DUOXA2: variants seen among roughly 807,000 people sequenced by gnomAD.
DUOXA2 encodes the protein dual oxidase maturation factor 2.
DUOXA2 carries 22 observed loss-of-function variants against 27.6 expected under a neutral mutation model. That is an observed-to-expected ratio of 0.80 (90% CI 0.57 to 1.14). The LOEUF (loss-of-function observed/expected upper bound fraction) is 1.14, where lower values mean the gene tolerates loss of function less well. Ranked by LOEUF, DUOXA2 falls within the 50% of genes most tolerant of loss-of-function variation. The pLI is 0.00. For synonymous variants in DUOXA2, 188 were observed against 184.4 expected, an observed-to-expected ratio of 1.02 and a Z score of -0.16; for missense variants, 481 against 419.9, an observed-to-expected ratio of 1.15 and a Z score of -1.27.
chr15:45,118,010 G>A lies in DUOXA2; in HGVS notation c.*101G>A. 6.2e-7 allele frequency: 1 copy of A among 1,604,856 alleles called. No homozygotes were observed. The highest frequency in any genetic ancestry group is 8.5e-7 in the Non-Finnish European group (1 of 1,173,430). On this transcript the variant is annotated 3_prime_UTR_variant, in exon 6 of 6. Coordinates refer to ENST00000323030, the MANE Select transcript of DUOXA2 (RefSeq NM_207581.4). The stretch of plus-strand genomic sequence containing the variant: ...AGGAGAGCTCCAGGAAGGGCACTGA[G>A]CGCTGCTGGCGCGAGGCCTCGGACA...
In DUOXA2 at chr15:45,118,348, C is replaced by T. The variant is rs1894828371; in HGVS notation, c.*439C>T. ...GCAGTGATGAGGCAGGTCACCCACT[C>T]CCCCGTCCTGGATGCCACTCAGCTA... On this transcript the variant is annotated 3_prime_UTR_variant, in exon 6 of 6. Coordinates refer to ENST00000323030, the MANE Select transcript of DUOXA2 (RefSeq NM_207581.4). 8.5e-7 allele frequency: 1 copy of T among 1,172,988 alleles called. No homozygotes were observed. The highest frequency in any genetic ancestry group is 1.1e-6 in the Non-Finnish European group (1 of 948,084). 72.7% of individuals were successfully genotyped at this position (1,172,988 alleles called of 1,614,324 possible).
chr15:45,117,635 G>A (rs1021289096), intron 5 of DUOXA2, 81 bp from the exon 6 acceptor site: 20 of 1,613,708 alleles, frequency 1.2e-5, no homozygotes, highest in East Asian at 2.2e-5. Flanking sequence ...AAGGTCGTTT[G>A]AGGCCAGAGT....
rs567411096 is a variant in DUOXA2 at position 45,114,423 on chromosome 15, C to T, written c.-183C>T. The stretch of plus-strand genomic sequence containing the variant: ...AACTCTGTCGGTACCAACCCCAGAG[C>T]GTTGAGAGCAGCCCACCTCCACGCT... On this transcript the variant is annotated 5_prime_UTR_variant, in exon 1 of 6. Coordinates refer to ENST00000323030, the MANE Select transcript of DUOXA2 (RefSeq NM_207581.4). 2 of 718,258 alleles carry T rather than the reference C, an allele frequency of 2.8e-6. No individual in the cohort carries two copies. The highest frequency in any genetic ancestry group is 4.6e-6 in the Non-Finnish European group (2 of 430,424). The allele number at this position is 718,258 out of a possible 1,614,324, so 44.5% of individuals were successfully genotyped here. A position where few individuals can be genotyped will look rare whatever the true frequency, so the allele number is the denominator to read the frequency against.
At position 45,117,966 on chromosome 15, in the gene DUOXA2, T is replaced by C. The variant is rs746432117; in HGVS notation, c.*57T>C. ...TGGGACATCGCAGGCCGGGAAGCAG[T>C]GCCCGCCAGGCCTGGGCCAGGAGAG... On this transcript the variant is annotated 3_prime_UTR_variant, in exon 6 of 6. Transcript: ENST00000323030. 1.2e-6 allele frequency: 2 copies of C among 1,612,764 alleles called. No homozygotes were observed. Among genetic ancestry groups the C allele is most frequent in the South Asian group, 1.1e-5 (1 of 91,054 alleles).
At chr15:45,114,825 A>T in intron 1 of DUOXA2, 73 bp downstream of exon 1, 1 of 1,606,602 alleles carries the variant, frequency 6.2e-7, no homozygotes, top group Non-Finnish European at 8.5e-7. Flanking sequence ...GGGACCCAGG[A>T]CAGGTAAGAC....
At chr15:45,117,591 CT>C (rs1343774720) in intron 5 of DUOXA2, 124 bp from the exon 6 acceptor site, 1 of 1,612,110 alleles carries the variant, frequency 6.2e-7, no homozygotes, top group Non-Finnish European at 8.5e-7. Flanking sequence ...GGCATCACGC[CT>C]GTAATCCCAG....
chr15:45,114,852 T>C (rs1437175203), intron 1 of DUOXA2, 100 bp downstream of exon 1: 1 of 1,562,456 alleles, frequency 6.4e-7, no homozygotes, highest in African/African-American at 1.4e-5. Flanking sequence ...AGAGCCTCCA[T>C]GAATAGTCGA....
intron 5 of DUOXA2, 137 bp from the exon 6 acceptor site, chr15:45,117,579 C>T (rs370129676): frequency 3.1e-5 from 49 of 1,605,094 alleles, no homozygotes; most frequent in Non-Finnish European, 4.3e-6. Context: ...GAAGAAGGCC[C>T]GGGCATCACG....
rs370420206 is a variant in DUOXA2, at chr15:45,117,851, A to T, written c.905A>T (p.Asp302Val). The T allele has an allele frequency of 9.9e-6, 16 of 1,613,650 alleles. No homozygotes were observed. The highest frequency in any genetic ancestry group is 1.4e-5 in the Non-Finnish European group (16 of 1,180,016). ...GGGGGCTCACCTCTTATCCTCGGCG[A>T]CCCACTGCACAAGCAGGCCGCTCTC... The part of the protein sequence containing the change: ...ERGGSPLILG[D>V]PLHKQAALPD... Residue 302 changes from aspartate (D) to valine (V), a missense_variant, in exon 6 of 6, where the codon GAC becomes GTC. Physicochemically the swap from Asp to Val is radical, Grantham distance 152. Transcript: ENST00000323030.
chr15:45,115,464 T>C, intron 1 of DUOXA2: 1 of 538,150 alleles, frequency 1.9e-6, no homozygotes, highest in Non-Finnish European at 3.6e-6. Context: ...CTGGACTCAC[T>C]GAGCCTCACC....
Position 45,115,830 on chromosome 15 carries a change from G to A in DUOXA2, c.179G>A (p.Ser60Asn). The A allele has an allele frequency of 6.2e-7, 1 of 1,614,124 alleles. No homozygotes were observed. Among genetic ancestry groups the A allele is most frequent in the Non-Finnish European group, 8.5e-7 (1 of 1,180,028 alleles). Reference sequence around the variant, plus strand: ...TTTTGGTTGGTGAGAGTTCTTCTCAGTCTGTTCATAGGCGCAGAAATTGTG... The same window carrying A: ...TTTTGGTTGGTGAGAGTTCTTCTCAATCTGTTCATAGGCGCAGAAATTGTG... The part of the protein sequence containing the change: ...RWFWLVRVLL[S>N]LFIGAEIVAV... The change falls in exon 2 of 6, where the codon AGT becomes AAT. Residue 60 changes from serine to asparagine, a missense_variant. By Grantham distance (46) the Ser-to-Asn change is conservative (BLOSUM62 1). Transcript: ENST00000323030.
chr15:45,117,181 C>G lies in DUOXA2; in HGVS notation c.645C>G (p.Ala215=). The part of the protein sequence containing the change: ...YGGLALLTTG[A]FALFGVFALA... ...GCCTGGCACTGCTGACCACCGGAGC[C>G]TTCGCGCTCTTCGGGGTCTTCGCCT... The change falls in exon 5 of 6, where the codon GCC becomes GCG. Residue 215 remains alanine, a synonymous_variant. Transcript: ENST00000323030. The G allele has an allele frequency of 6.2e-7, 1 of 1,606,352 alleles. No individual in the cohort carries two copies. The highest frequency in any genetic ancestry group is 8.5e-7 in the Non-Finnish European group (1 of 1,179,676).
chr15:45,115,938 G>C, intron 2 of DUOXA2, 82 bp downstream of exon 2: 1 of 1,607,328 alleles, frequency 6.2e-7, no homozygotes. Context: ...ATAGGGAACT[G>C]GGGTTGGTTT....
Position 45,116,556 on chromosome 15 carries a change from C to T in DUOXA2, c.381C>T (p.Asn127=). 6 of 1,614,068 alleles carry T rather than the reference C, an allele frequency of 3.7e-6. No individual in the cohort carries two copies. The highest frequency in any genetic ancestry group is 2.2e-5 in the East Asian group (1 of 44,874). ...VHQLNETIDY[N]EQFTWRLKEN... is the part of the protein sequence containing the mutation. ...AGCTGAACGAGACCATTGACTACAA[C>T]GAGCAGTTCACCTGGCGTCTGAAAG... Residue 127 remains asparagine, a synonymous_variant, in exon 4 of 6, where the codon AAC becomes AAT. Coordinates refer to ENST00000323030, the MANE Select transcript of DUOXA2 (RefSeq NM_207581.4).
chr15:45,114,879 A>T, intron 1 of DUOXA2, 127 bp downstream of exon 1: 1 of 1,416,776 alleles, frequency 7.1e-7, no homozygotes, highest in Non-Finnish European at 9.9e-7. Context: ...GCTCAGGTGG[A>T]GTGAAGTCAG....
At chr15:45,117,361 G>A (rs933169315) in intron 5 of DUOXA2, 56 bp downstream of exon 5, 3 of 1,518,940 alleles carry the variant, frequency 2.0e-6, no homozygotes, top group African/African-American at 1.4e-5. Flanking sequence ...GATTCACACC[G>A]GGTGTGCACT....
chr15:45,117,479 C>G (rs1481579481), intron 5 of DUOXA2, 174 bp downstream of exon 5: 4 of 1,550,384 alleles, frequency 2.6e-6, no homozygotes, highest in Non-Finnish European at 2.6e-6. Flanking sequence ...GTGGGGGGCT[C>G]AGAAGGGTTT....
chr15:45,116,879 A>G, intron 4 of DUOXA2, 150 bp downstream of exon 4: 1 of 1,105,052 alleles, frequency 9.0e-7, no homozygotes, highest in South Asian at 1.3e-5. Flanking sequence ...GGGTTAGAAG[A>G]TCCACGAGAT....
At chr15:45,115,674 C>A in intron 1 of DUOXA2, 125 bp from the exon 2 acceptor site, 1 of 1,142,982 alleles carries the variant, frequency 8.7e-7, no homozygotes, top group Non-Finnish European at 1.3e-6. Context: ...GCAGGAAAAG[C>A]GTGCCTAACA....
Sources: gnomAD v4.1 joint callset for allele counts on GRCh38, gnomAD v4.1.1 for gene constraint, MANE v1.5 for transcripts, NCBI Gene and HGNC (gene_info 2026-07-23, HGNC 2026-07-21) for gene names.